The following ODR4 variants were observed in gnomAD, a reference collection of about 807,000 sequenced individuals.
ODR4 encodes odr-4 GPCR localization factor homolog, also known as protein odr-4 homolog.
In ODR4, 47 loss-of-function variants were observed where a neutral mutation model predicts 60.2. The observed-to-expected ratio is 0.78, with a 90% CI of 0.62 to 1.00. The LOEUF is 1.00. ODR4 is among the 50% of genes least tolerant of loss of function. The pLI is 0.00. For synonymous variants in ODR4, 178 were observed against 175.5 expected, an observed-to-expected ratio of 1.01 and a Z score of -0.11; for missense variants, 488 against 530.8, an observed-to-expected ratio of 0.92 and a Z score of 0.79.
chr1:186,392,326 C>T (rs897398949), intron 8 of ODR4, among the ~76,000 whole-genome samples: 1 of 152,184 alleles, frequency 6.6e-6, no homozygotes, highest in Admixed American at 6.5e-5. Flanking sequence ...TGTAAAGACA[C>T]ATGCATGCAT....
In ODR4 at chr1:186,390,694, C is replaced by T. The variant is rs367658772; in HGVS notation, c.475-17C>T. The T allele has an allele frequency of 2.7e-5, 43 of 1,611,912 alleles. No homozygotes were observed. The African/African-American group carries it at 5.6e-4, about 21-fold the overall frequency. ...TAGACTACATCATAGTTATTTTTCTCCCTTCTCCACTGCTAGAGTTCAGCA... is the reference window on the plus strand; with the variant it reads ...TAGACTACATCATAGTTATTTTTCTTCCTTCTCCACTGCTAGAGTTCAGCA... On this transcript the variant is annotated splice_polypyrimidine_tract_variant and intron_variant, in intron 6 of 13. Coordinates refer to ENST00000287859, the MANE Select transcript of ODR4 (RefSeq NM_017847.6).
At chr1:186,379,697 T>C (rs1306585441) in intron 1 of ODR4, 70 bp from the exon 2 acceptor site, 1 of 790,284 alleles carries the variant, frequency 1.3e-6, no homozygotes, top group African/African-American at 1.8e-5. Context: ...CTTGCTAAAC[T>C]ACTCCCATGA....
At chr1:186,414,263 G>T (rs2102089591) in intron 12 of ODR4, among the ~76,000 whole-genome samples, 1 of 152,098 alleles carries the variant, frequency 6.6e-6, no homozygotes, top group African/African-American at 2.4e-5. Context: ...TGGAAATAGG[G>T]CAATGAAATG....
chr1:186,401,288 A>G, intron 11 of ODR4: 1 of 1,102,930 alleles, frequency 9.1e-7, no homozygotes, highest in Non-Finnish European at 1.3e-6. Flanking sequence ...GCCTAATCCT[A>G]AATTTTTAAA....
chr1:186,397,121 T>A (rs1660713486), intron 9 of ODR4, among the ~76,000 whole-genome samples: 1 of 152,318 alleles, frequency 6.6e-6, no homozygotes, highest in South Asian at 2.1e-4. Context: ...CATCTTAAAG[T>A]TTAAATTGTT....
intron 11 of ODR4, among the ~76,000 whole-genome samples, chr1:186,404,153 T>G (rs1661088104): frequency 6.6e-6 from 1 of 152,216 alleles, no homozygotes. Flanking sequence ...TTTTTATTTG[T>G]TTTGACTTTA....
chr1:186,425,881 A>G (rs1287880276), downstream of ODR4, among the ~76,000 whole-genome samples: 1 of 152,198 alleles, frequency 6.6e-6, no homozygotes, highest in Non-Finnish European at 1.5e-5. Flanking sequence ...CACACTTTAA[A>G]TATTCTATAA....
At chr1:186,401,505 T>G (rs2102061991) in intron 11 of ODR4, 1 of 199,650 alleles carries the variant, frequency 5.0e-6, no homozygotes, top group African/African-American at 2.4e-5. Context: ...TCTTTCTCTC[T>G]CTCTCTCTCT....
At chr1:186,406,033 T>C (rs1358405530) in intron 11 of ODR4, 50 bp from the exon 12 acceptor site, 1 of 1,263,214 alleles carries the variant, frequency 7.9e-7, no homozygotes. Context: ...GTATCACTGA[T>C]ACCAGTGACA....
intron 12 of ODR4, among the ~76,000 whole-genome samples, chr1:186,412,593 T>G (rs1005637936): frequency 3.3e-5 from 5 of 152,174 alleles, no homozygotes; most frequent in Admixed American, 6.5e-5. Context: ...ATAGAAAAAT[T>G]AAGTGCTTTT....
rs771826376 is a variant in ODR4, at chr1:186,388,394, T to G, written c.331-48T>G. On this transcript the variant is annotated intron_variant, in intron 4 of 13. Transcript: ENST00000287859. ...TAATTGCCTATTTCAACACTCATCT[T>G]TTTTTTTCATTTTACATTCAATTAG... is the stretch of plus-strand genomic sequence containing the variant. The G allele has an allele frequency of 4.1e-4, 467 of 1,138,596 alleles. 1 individual carries two copies. Among genetic ancestry groups the G allele is most frequent in the Non-Finnish European group, 5.5e-4 (447 of 811,802 alleles). The allele number at this position is 1,138,596 out of a possible 1,614,324, so 70.5% of individuals were successfully genotyped here.
chr1:186,429,686 A>G, the ODR4 span, among the ~76,000 whole-genome samples: 1 of 151,088 alleles, frequency 6.6e-6, no homozygotes, highest in Admixed American at 6.6e-5. Context: ...TGACTATATC[A>G]CCAACATAGC....
chr1:186,404,499 G>A (rs1054826362), intron 11 of ODR4, among the ~76,000 whole-genome samples: 8 of 152,146 alleles, frequency 5.3e-5, no homozygotes, highest in African/African-American at 1.9e-4. Context: ...ATGCACATTA[G>A]AGTCATTTTT....
At position 186,419,027 on chromosome 1, in the gene ODR4, C is replaced by T; in HGVS notation, c.1316C>T (p.Thr439Ile). 1.2e-6 allele frequency: 2 copies of T among 1,609,282 alleles called. No individual in the cohort carries two copies. The highest frequency in any genetic ancestry group is 2.2e-5 in the South Asian group (2 of 89,974). Residue 439 changes from threonine (T) to isoleucine (I), a missense_variant, in exon 14 of 14, where the codon ACA (threonine) becomes ATA (isoleucine). Coordinates refer to ENST00000287859, the MANE Select transcript of ODR4 (RefSeq NM_017847.6). ...QQNIGVIAAF[T>I]VAVLAAGISF... ...CTTTTAGGTGTGATTGCAGCATTTACAGTTGCAGTCCTTGCTGCGGGTATC... is the reference window on the plus strand; with the variant it reads ...CTTTTAGGTGTGATTGCAGCATTTATAGTTGCAGTCCTTGCTGCGGGTATC...
chr1:186,399,994 T>TTC (rs1412923674), intron 11 of ODR4, among the ~76,000 whole-genome samples: 10 of 139,140 alleles, frequency 7.2e-5, no homozygotes, highest in African/African-American at 2.9e-4. Context: ...TTTTTTCTTT[T>TTC]TTTTTTTTTT....
intron 2 of ODR4, among the ~76,000 whole-genome samples, chr1:186,380,089 G>C (rs191144969): frequency 6.6e-6 from 1 of 152,138 alleles, no homozygotes; most frequent in Admixed American, 6.6e-5. Flanking sequence ...AATTTTGCTC[G>C]TCAGGACACC....
At chr1:186,425,039 G>A (rs1661861167), downstream of ODR4, among the ~76,000 whole-genome samples, 1 of 151,542 alleles carries the variant, frequency 6.6e-6, no homozygotes, top group African/African-American at 2.4e-5. Context: ...AGAAATTGAT[G>A]GCAGAAATCT....
intron 11 of ODR4, among the ~76,000 whole-genome samples, chr1:186,399,840 C>A (rs1309809800): frequency 6.6e-6 from 1 of 152,014 alleles, no homozygotes; most frequent in Non-Finnish European, 1.5e-5. Context: ...AGTATCTTAC[C>A]CATTAATAAC....
rs1214118827 is a variant in ODR4, at chr1:186,420,399, T to G, written c.*1323T>G. 2.0e-5 allele frequency: 3 copies of G among 152,212 alleles called. No homozygotes were observed. The highest frequency in any genetic ancestry group is 1.3e-4 in the Admixed American group (2 of 15,282). 9.4% of individuals were successfully genotyped at this position (152,212 alleles called of 1,614,324 possible). A position where few individuals can be genotyped will look rare whatever the true frequency, so the allele number is the denominator to read the frequency against. On this transcript the variant is annotated 3_prime_UTR_variant, in exon 14 of 14. Coordinates refer to ENST00000287859, the MANE Select transcript of ODR4 (RefSeq NM_017847.6). Reference sequence around the variant, plus strand: ...AAACATTCCTAATTTAGTTCCAAGATTCCTACAGATTATTATCAAGTAGTA... The same window carrying G: ...AAACATTCCTAATTTAGTTCCAAGAGTCCTACAGATTATTATCAAGTAGTA...
Sources: gnomAD v4.1 joint callset for allele counts (sites outside exome capture counted in the v4.1 genomes callset) on GRCh38, gnomAD v4.1.1 for gene constraint, MANE v1.5 for transcripts, NCBI Gene and HGNC (gene_info 2026-07-23, HGNC 2026-07-21) for gene names.